HECW1: variants seen among roughly 807,000 people sequenced by gnomAD.
The protein encoded by HECW1 is HECT, C2 and WW domain containing E3 ubiquitin protein ligase 1.
A neutral mutation model predicts 182.3 loss-of-function variants in HECW1; 61 were observed. The observed-to-expected ratio is 0.33, with a 90% CI of 0.27 to 0.41. The LOEUF is 0.41. HECW1 is among the 10% of genes least tolerant of loss of function. HECW1 has a pLI of 1.00. For missense variants in HECW1, 1,739 were observed against 2,108.9 expected (o/e 0.82, Z 3.44); for synonymous variants, 859 against 832.6 (o/e 1.03, Z -0.55).
At chr7:43,276,269 A>G (rs1803133164) in intron 3 of HECW1, among the ~76,000 whole-genome samples, 1 of 152,170 alleles carries the variant, frequency 6.6e-6, no homozygotes, top group African/African-American at 2.4e-5. Context: ...GGCCAGGGAC[A>G]TTGATTTCCA....
rs1022379759 is a variant in HECW1 at position 43,565,761 on chromosome 7, G to T, written c.*3835G>T. The stretch of plus-strand genomic sequence containing the variant: ...TCTAGTAGGAAAAAAGGTGCCTAGA[G>T]GTAGTATATAGAGTAAATATTGTTC... On this transcript the variant is annotated 3_prime_UTR_variant, in exon 30 of 30. Coordinates refer to ENST00000395891, the MANE Select transcript of HECW1 (RefSeq NM_015052.5). The T allele has an allele frequency of 5.4e-6, 1 of 185,112 alleles. No individual in the cohort carries two copies. The highest frequency in any genetic ancestry group is 2.4e-5 in the African/African-American group (1 of 42,542). The allele number at this position is 185,112 out of a possible 1,614,324, so 11.5% of individuals were successfully genotyped here.
intron 6 of HECW1, among the ~76,000 whole-genome samples, chr7:43,386,304 A>G (rs1009350093): frequency 6.6e-6 from 1 of 152,244 alleles, no homozygotes; most frequent in African/African-American, 2.4e-5. Context: ...TACACCACAG[A>G]GGCAGGAAAT....
At position 43,457,968 on chromosome 7, in the gene HECW1, A is replaced by G. The variant is rs548271731; in HGVS notation, c.2651+1521A>G. ...GTGTTTTAAGTCATTAACAAAAACC[A>G]TAAAAGACTTGCATTGGCAGCACAC... On this transcript the variant is annotated intron_variant, in intron 13 of 29. Transcript: ENST00000395891. Among the ~76,000 whole-genome samples, 12 of 152,328 alleles carry G rather than the reference A, an allele frequency of 7.9e-5. 1 individual carries two copies. The South Asian group carries it at 1.9e-3, about 24-fold the overall frequency.
chr7:43,310,896 A>C (rs1036439744), intron 3 of HECW1, among the ~76,000 whole-genome samples: 1 of 152,176 alleles, frequency 6.6e-6, no homozygotes, highest in Non-Finnish European at 1.5e-5. Context: ...AAAAATGTTC[A>C]TTTAAACGCA....
At chr7:43,497,081 C>T (rs970491161) in intron 19 of HECW1, among the ~76,000 whole-genome samples, 1 of 152,112 alleles carries the variant, frequency 6.6e-6, no homozygotes, top group Admixed American at 6.6e-5. Flanking sequence ...TAGAATTCAG[C>T]AATAGTGGAT....
At chr7:43,494,400 C>T (rs2079040358) in intron 19 of HECW1, among the ~76,000 whole-genome samples, 1 of 152,128 alleles carries the variant, frequency 6.6e-6, no homozygotes, top group South Asian at 2.1e-4. Context: ...TTCCCTATCA[C>T]CCTATCATAA....
At chr7:43,387,319 G>T (rs912025638) in intron 6 of HECW1, among the ~76,000 whole-genome samples, 1 of 152,170 alleles carries the variant, frequency 6.6e-6, no homozygotes, top group Admixed American at 6.5e-5. Flanking sequence ...GAGGATCCAG[G>T]TCTTTCTCTG....
At chr7:43,149,498 A>G (rs1412712188) in intron 2 of HECW1, among the ~76,000 whole-genome samples, 3 of 152,244 alleles carry the variant, frequency 2.0e-5, no homozygotes, top group Non-Finnish European at 4.4e-5. Context: ...ACATAACAGT[A>G]TAATGTGGGA....
At chr7:43,552,449 C>A in intron 28 of HECW1, 113 bp downstream of exon 28, 1 of 729,328 alleles carries the variant, frequency 1.4e-6, no homozygotes, top group Non-Finnish European at 2.5e-6. Flanking sequence ...CTAAAGCGAA[C>A]AAGTCAGTGG....
chr7:43,180,552 C>T (rs1467651472), intron 2 of HECW1, among the ~76,000 whole-genome samples: 6 of 151,986 alleles, frequency 3.9e-5, no homozygotes, highest in African/African-American at 9.7e-5. Context: ...CCCGCCACCA[C>T]GCCTGGCTAA....
chr7:43,426,981 T>C (rs2076383342), intron 8 of HECW1, among the ~76,000 whole-genome samples: 1 of 152,144 alleles, frequency 6.6e-6, no homozygotes, highest in Non-Finnish European at 1.5e-5. Flanking sequence ...CTATCTCTTT[T>C]TATTAATCTG....
chr7:43,428,327 A>G (rs1039523752), intron 8 of HECW1, among the ~76,000 whole-genome samples: 8 of 152,198 alleles, frequency 5.3e-5, no homozygotes, highest in Non-Finnish European at 1.0e-4. Context: ...CCATTTTTGC[A>G]GTATCATTAT....
chr7:43,253,868 A>G (rs1479646585), intron 3 of HECW1, among the ~76,000 whole-genome samples: 1 of 152,106 alleles, frequency 6.6e-6, no homozygotes, highest in Non-Finnish European at 1.5e-5. Flanking sequence ...AGATCATGCC[A>G]TTGCACTCCA....
intron 8 of HECW1, among the ~76,000 whole-genome samples, chr7:43,423,484 T>G (rs2076260852): frequency 6.6e-6 from 1 of 152,218 alleles, no homozygotes; most frequent in Non-Finnish European, 1.5e-5. Flanking sequence ...AGAGACACAC[T>G]GTTTGATATT....
At chr7:43,269,643 C>T (rs780511236) in intron 3 of HECW1, among the ~76,000 whole-genome samples, 1 of 152,186 alleles carries the variant, frequency 6.6e-6, no homozygotes, top group Non-Finnish European at 1.5e-5. Context: ...GAATACCCCA[C>T]CACAGAGCCT....
chr7:43,439,797 T>A (rs147644509), intron 9 of HECW1: 1 of 152,464 alleles, frequency 6.6e-6, no homozygotes, highest in Non-Finnish European at 1.5e-5. Context: ...AGCAAGTACC[T>A]GAGGTGGAAA....
chr7:43,542,956 A>G (rs970693590), intron 26 of HECW1, among the ~76,000 whole-genome samples: 1 of 152,232 alleles, frequency 6.6e-6, no homozygotes, highest in African/African-American at 2.4e-5. Flanking sequence ...GATTTCTGCT[A>G]TCTGTGCCAT....
In HECW1 at chr7:43,200,011, C is replaced by T. The variant is rs544003460; in HGVS notation, c.-31-43864C>T. Among the ~76,000 whole-genome samples the T allele has an allele frequency of 1.2e-4, 18 of 152,308 alleles. No individual in the cohort carries two copies. The East Asian group carries it at 3.5e-3, about 29-fold the overall frequency. ...GAATGGAAGAAGTCACTAAGCGTCG[C>T]TCAATTTTTATAAATCCTTTTAGGG... On this transcript the variant is annotated intron_variant, in intron 2 of 29. Transcript: ENST00000395891.
chr7:43,233,059 A>T (rs1369995919), intron 2 of HECW1, among the ~76,000 whole-genome samples: 1 of 152,176 alleles, frequency 6.6e-6, no homozygotes, highest in Non-Finnish European at 1.5e-5. Flanking sequence ...TTTGACTGAC[A>T]TATAGAGACT....
Sources: allele counts gnomAD v4.1 joint callset (sites outside exome capture counted in the v4.1 genomes callset), GRCh38; gene constraint gnomAD v4.1.1; transcripts MANE v1.5; gene names NCBI Gene and HGNC (gene_info 2026-07-23, HGNC 2026-07-21).